The following DAB1 variants were observed in gnomAD, a reference collection of about 807,000 sequenced individuals.
DAB1 encodes disabled homolog 1.
Under a neutral mutation model 64.6 loss-of-function variants are expected in DAB1, and 15 were observed. The observed-to-expected ratio is 0.23, with a 90% CI of 0.16 to 0.36. The LOEUF is 0.36. Among genes scored for constraint, DAB1 ranks in the 10% least tolerant of loss-of-function variants. The probability of loss-of-function intolerance (pLI) is 1.00; values close to 1 mark genes in which losing one functional copy is unlikely to be tolerated. For missense variants in DAB1, 596 were observed against 706.7 expected, an observed-to-expected ratio of 0.84 and a Z score of 1.78; for synonymous variants, 235 against 251.9, an observed-to-expected ratio of 0.93 and a Z score of 0.64.
At chr1:57,565,436 A>C (rs577625439) in intron 7 of DAB1, among the ~76,000 whole-genome samples, 3 of 152,340 alleles carry the variant, frequency 2.0e-5, no homozygotes, top group African/African-American at 7.2e-5. Flanking sequence ...TTAACCTTAA[A>C]TGTAAATGGG....
At chr1:57,233,566 C>G (rs1667863921) in intron 2 of DAB1, among the ~76,000 whole-genome samples, 1 of 151,888 alleles carries the variant, frequency 6.6e-6, no homozygotes, top group South Asian at 2.1e-4. Flanking sequence ...CGAGACCGGC[C>G]TGACCAACAT....
chr1:57,015,096 C>T lies in DAB1; in HGVS notation c.1231G>A (p.Gly411Ser). ...TGGAAATCCTTAAACGTTTCTTTGC[C>T]CATTTTCTGCCTGGGCTTGTCGGTC... Reference protein sequence around the residue: ...PQTDKPRQKMGKETFKDFQMA... With the variant: ...PQTDKPRQKMSKETFKDFQMA... Residue 411 changes from glycine to serine, a missense_variant, in exon 12 of 15, where the codon GGC becomes AGC. This residue lies in a region of DAB1 where 377 missense variants were observed against 400.4 expected (regional missense o/e 0.94). Transcript: ENST00000371236. The T allele has an allele frequency of 2.5e-6, 4 of 1,614,156 alleles. No homozygotes were observed. The highest frequency in any genetic ancestry group is 1.3e-5 in the African/African-American group (1 of 75,026).
chr1:58,137,558 C>T (rs1373705058), intron 5 of DAB1, among the ~76,000 whole-genome samples: 1 of 152,096 alleles, frequency 6.6e-6, no homozygotes, highest in Non-Finnish European at 1.5e-5. Flanking sequence ...TCCATCCATC[C>T]ACCTCTATCA....
intron 14 of DAB1, among the ~76,000 whole-genome samples, chr1:57,008,289 A>G (rs1191600428): frequency 6.6e-6 from 1 of 152,188 alleles, no homozygotes; most frequent in Non-Finnish European, 1.5e-5. Context: ...TGTGACACAT[A>G]TTGAAAATTA....
intron 4 of DAB1, among the ~76,000 whole-genome samples, chr1:57,110,636 A>T (rs1218239004): frequency 6.6e-6 from 1 of 152,236 alleles, no homozygotes; most frequent in Non-Finnish European, 1.5e-5. Flanking sequence ...GATGATACAC[A>T]GTTCCTGCTC....
intron 7 of DAB1, among the ~76,000 whole-genome samples, chr1:57,565,655 A>G (rs1049309484): frequency 2.8e-4 from 42 of 152,340 alleles, no homozygotes; most frequent in African/African-American, 9.4e-4. Context: ...CTTTAAACCA[A>G]CAAAGATCAA....
intron 7 of DAB1, among the ~76,000 whole-genome samples, chr1:57,429,486 GAGTTTGATGTAGCCCC>G (rs1232879194): frequency 1.3e-5 from 2 of 152,002 alleles, no homozygotes; most frequent in Non-Finnish European, 2.9e-5. Context: ...AAAAAGTTTT[GAGTTTGATGTAGCCCC>G]ACCTGTCTAC....
At chr1:57,465,736 T>C (rs1470342343) in intron 7 of DAB1, among the ~76,000 whole-genome samples, 3 of 152,198 alleles carry the variant, frequency 2.0e-5, no homozygotes, top group African/African-American at 7.2e-5. Flanking sequence ...AGGAGGAGCT[T>C]AATCTGTATG....
chr1:57,761,965 C>G (rs1252141295), intron 6 of DAB1, among the ~76,000 whole-genome samples: 1 of 152,114 alleles, frequency 6.6e-6, no homozygotes, highest in African/African-American at 2.4e-5. Flanking sequence ...CTGTACCCAC[C>G]GTGCCCACAG....
At position 58,166,738 on chromosome 1, in the gene DAB1, TTTTG is replaced by T. The variant is rs1310044066; in HGVS notation, n.310-16154_310-16151del. Reference sequence around the variant, plus strand: ...CATGTTTAACATTTTTTGTTGTTGTTTTTGTTTGTTCGTTTTTTTTTTTTTTTAA... The same window carrying T: ...CATGTTTAACATTTTTTGTTGTTGTTTTTGTTCGTTTTTTTTTTTTTTTAA... On this transcript the variant is annotated intron_variant and non_coding_transcript_variant, in intron 4 of 20. Transcript: ENST00000485760. Among the ~76,000 whole-genome samples, 10 of 148,688 alleles carry T rather than the reference TTTTG, an allele frequency of 6.7e-5. No homozygotes were observed. The East Asian group carries it at 1.8e-3, about 27-fold the overall frequency.
At chr1:57,636,236 A>T (rs764384261) in intron 7 of DAB1, among the ~76,000 whole-genome samples, 1 of 152,136 alleles carries the variant, frequency 6.6e-6, no homozygotes, top group Non-Finnish European at 1.5e-5. Context: ...GCGGCTCCCT[A>T]CAATTCAGGA....
At chr1:57,624,638 CATT>C (rs1645901164) in intron 7 of DAB1, among the ~76,000 whole-genome samples, 1 of 152,190 alleles carries the variant, frequency 6.6e-6, no homozygotes, top group Non-Finnish European at 1.5e-5. Flanking sequence ...GAAAAGATGA[CATT>C]ATGCACTTAC....
Position 58,262,866 on chromosome 1 carries a change from C to T in DAB1, n.309+80486G>A, listed in dbSNP as rs530195796. On this transcript the variant is annotated intron_variant and non_coding_transcript_variant, in intron 4 of 20. Coordinates refer to the DAB1 transcript ENST00000485760. ...TGTGTGCTTTACCATTTTCTCTTCC[C>T]TCTCTGTCATGACAATCTCAATGTT... Among the ~76,000 whole-genome samples, 59 of 152,174 alleles carry T rather than the reference C, an allele frequency of 3.9e-4. 1 individual carries two copies. The highest frequency in any genetic ancestry group is 8.4e-4 in the Non-Finnish European group (57 of 68,044).
chr1:57,016,822 G>T (rs1646448401), intron 11 of DAB1, among the ~76,000 whole-genome samples: 1 of 152,154 alleles, frequency 6.6e-6, no homozygotes, highest in African/African-American at 2.4e-5. Flanking sequence ...CTTATTAAAT[G>T]CCTACAACAC....
intron 5 of DAB1, among the ~76,000 whole-genome samples, chr1:57,986,830 T>A (rs965056436): frequency 2.0e-5 from 3 of 152,230 alleles, no homozygotes; most frequent in Non-Finnish European, 4.4e-5. Context: ...AAATTATAAT[T>A]AGCTACCATT....
rs79632285 is a variant in DAB1, at chr1:57,723,576, T to C, written n.552-73911A>G. Among the ~76,000 whole-genome samples, 724 of 152,366 alleles carry C rather than the reference T, an allele frequency of 4.8e-3. 7 individuals are homozygous for C. The highest frequency in any genetic ancestry group is 0.017 in the Middle Eastern group (5 of 294). On this transcript the variant is annotated intron_variant and non_coding_transcript_variant, in intron 6 of 20. Coordinates refer to the DAB1 transcript ENST00000485760. ...AGCTTTTCTCACAATCACTGGGAATTCTCTGCATTCACAGACAAATGGCAG... is the reference window on the plus strand; with the variant it reads ...AGCTTTTCTCACAATCACTGGGAATCCTCTGCATTCACAGACAAATGGCAG...
At chr1:57,555,466 C>G (rs1273748646) in intron 7 of DAB1, among the ~76,000 whole-genome samples, 1 of 138,394 alleles carries the variant, frequency 7.2e-6, no homozygotes, top group East Asian at 2.1e-4. Flanking sequence ...ACTAAACAAA[C>G]AAACAAAAAA....
At chr1:58,100,280 C>A (rs1208538321) in intron 5 of DAB1, among the ~76,000 whole-genome samples, 2 of 152,176 alleles carry the variant, frequency 1.3e-5, no homozygotes, top group Non-Finnish European at 2.9e-5. Flanking sequence ...AACCACAATT[C>A]TATGTTCTGT....
At chr1:58,405,942 G>A (rs1301408689) in intron 3 of DAB1, among the ~76,000 whole-genome samples, 1 of 152,172 alleles carries the variant, frequency 6.6e-6, no homozygotes, top group Non-Finnish European at 1.5e-5. Context: ...CATGTCTCAG[G>A]AGACATCCCT....
Sources: allele counts gnomAD v4.1 joint callset (sites outside exome capture counted in the v4.1 genomes callset), GRCh38; gene constraint gnomAD v4.1.1; regional missense constraint gnomAD v4.1.1; transcripts MANE v1.5; gene names NCBI Gene and HGNC (gene_info 2026-07-23, HGNC 2026-07-21).